The following LAMB4 variants were observed in gnomAD, a reference collection of about 807,000 sequenced individuals.
LAMB4 encodes laminin subunit beta-4.
Under a neutral mutation model 199.2 loss-of-function variants are expected in LAMB4, and 196 were observed. The ratio of observed to expected loss-of-function variants is 0.98; its 90% CI spans 0.88 to 1.11. The LOEUF is 1.11. Among genes scored for constraint, LAMB4 ranks in the 50% least tolerant of loss-of-function variants. LAMB4 has a pLI of 0.00. For synonymous variants in LAMB4, 744 were observed against 770.6 expected (o/e 0.97, Z 0.57); for missense variants, 2,080 against 2,171.2 (o/e 0.96, Z 0.83).
At chr7:108,023,300 C>T (rs949282997), downstream of LAMB4, among the ~76,000 whole-genome samples, 3 of 136,380 alleles carry the variant, frequency 2.2e-5, no homozygotes, top group Non-Finnish European at 4.4e-5. Context: ...ATCATACGTG[C>T]AAAAATAGTT....
At chr7:108,106,910 G>C (rs1230107345) in intron 6 of LAMB4, among the ~76,000 whole-genome samples, 2 of 152,102 alleles carry the variant, frequency 1.3e-5, no homozygotes, top group Non-Finnish European at 2.9e-5. Flanking sequence ...TTACAAGAAG[G>C]CTGAGCCATT....
chr7:108,116,597 T>C (rs1288011777), intron 2 of LAMB4, among the ~76,000 whole-genome samples: 1 of 152,236 alleles, frequency 6.6e-6, no homozygotes, highest in Admixed American at 6.5e-5. Context: ...TCTTTAATGT[T>C]GTTTAATCTA....
chr7:108,035,257 C>A (rs1218091282), intron 30 of LAMB4, among the ~76,000 whole-genome samples: 2 of 151,944 alleles, frequency 1.3e-5, no homozygotes, highest in African/African-American at 4.8e-5. Flanking sequence ...TTTACGACTG[C>A]AGGCCAGGCG....
At chr7:108,098,354 C>G (rs1424817246) in intron 11 of LAMB4, 49 bp downstream of exon 11, 5 of 597,164 alleles carry the variant, frequency 8.4e-6, no homozygotes, top group East Asian at 7.7e-5. Context: ...AACCAACCAA[C>G]CACATAGGGG....
In LAMB4 at chr7:108,069,368, A is replaced by G. The variant is rs149006774; in HGVS notation, c.2302+340T>C. Among the ~76,000 whole-genome samples, 461 of 152,344 alleles carry G rather than the reference A, an allele frequency of 3.0e-3. 5 individuals carry two copies. Among genetic ancestry groups the G allele is most frequent in the African/African-American group, 0.01 (436 of 41,576 alleles). On this transcript the variant is annotated intron_variant, in intron 18 of 33. Coordinates refer to ENST00000388781, the MANE Select transcript of LAMB4 (RefSeq NM_007356.3). ...TAGCTAAATGAAATGGGCAAGTTAC[A>G]TACAGATTTTGGGCCCCAATATGCT...
intron 29 of LAMB4, among the ~76,000 whole-genome samples, chr7:108,040,895 C>G (rs1265923719): frequency 1.3e-5 from 2 of 152,062 alleles, no homozygotes; most frequent in Non-Finnish European, 1.5e-5. Context: ...ACAACAAAAG[C>G]AAAAACTGAG....
chr7:108,033,273 T>A (rs564786528), intron 31 of LAMB4, among the ~76,000 whole-genome samples: 1 of 152,342 alleles, frequency 6.6e-6, no homozygotes, highest in Admixed American at 6.5e-5. Flanking sequence ...CCTGTGGTCA[T>A]GTTTTGCCAT....
chr7:108,087,576 G>A (rs761689643), intron 14 of LAMB4, among the ~76,000 whole-genome samples: 1 of 152,218 alleles, frequency 6.6e-6, no homozygotes, highest in Non-Finnish European at 1.5e-5. Flanking sequence ...TGTAGCCATG[G>A]GAGGCTGGGC....
rs373050835 is a variant in LAMB4, at chr7:108,103,153, G to A, written c.1071C>T (p.Gly357=). 65 of 1,610,640 alleles carry A rather than the reference G, an allele frequency of 4.0e-5. No homozygotes were observed. The African/African-American group carries it at 7.9e-4, about 19-fold the overall frequency. Residue 357 remains glycine (G), a synonymous_variant, in exon 10 of 34, where the codon GGC becomes GGT. Transcript: ENST00000388781. Reference sequence around the variant, plus strand: ...TGTTGTGCTGGCAGTCTTCACACACGCCCCCGCTGAGGCCACCGCTTGCCA... The same window carrying A: ...TGTTGTGCTGGCAGTCTTCACACACACCCCCGCTGAGGCCACCGCTTGCCA... ...TYLASGGLSG[G]VCEDCQHNTE...
intron 14 of LAMB4, among the ~76,000 whole-genome samples, chr7:108,082,139 G>A (rs952278983): frequency 6.6e-6 from 1 of 152,050 alleles, no homozygotes; most frequent in Non-Finnish European, 1.5e-5. Flanking sequence ...GACCACCTTG[G>A]CTAACACGGT....
At chr7:108,057,986 A>G (rs1328307414) in intron 23 of LAMB4, 58 bp from the exon 24 acceptor site, 1 of 1,159,248 alleles carries the variant, frequency 8.6e-7, no homozygotes, top group African/African-American at 1.5e-5. Flanking sequence ...AAAAAAATGC[A>G]TTTTAATAGG....
intron 28 of LAMB4, chr7:108,044,109 T>C (rs1193967079): frequency 2.3e-6 from 1 of 432,214 alleles, no homozygotes; most frequent in Non-Finnish European, 4.0e-6. Context: ...ATCATTAATT[T>C]ATCTTTTAGA....
chr7:108,120,285 A>G (rs1184224480), intron 2 of LAMB4, among the ~76,000 whole-genome samples: 1 of 152,182 alleles, frequency 6.6e-6, no homozygotes, highest in Non-Finnish European at 1.5e-5. Flanking sequence ...GTTATTGAAA[A>G]AAACGTGTTA....
intron 29 of LAMB4, among the ~76,000 whole-genome samples, chr7:108,037,815 G>A (rs2035283390): frequency 6.6e-6 from 1 of 152,188 alleles, no homozygotes; most frequent in Non-Finnish European, 1.5e-5. Context: ...AATACTTGCT[G>A]AACAAGTGCT....
At chr7:108,106,117 C>G (rs559268023) in intron 7 of LAMB4, 86 bp from the exon 8 acceptor site, 1 of 1,061,350 alleles carries the variant, frequency 9.4e-7, no homozygotes, top group East Asian at 2.5e-5. Context: ...ACTTAATATA[C>G]TATAGAAAAG....
chr7:108,047,054 A>C (rs1387759134), intron 28 of LAMB4, among the ~76,000 whole-genome samples: 4 of 151,882 alleles, frequency 2.6e-5, no homozygotes, highest in African/African-American at 4.8e-5. Flanking sequence ...GGCGTGACCC[A>C]CTACTCCTGG....
Position 108,033,320 on chromosome 7 carries a change from TG to T in LAMB4, c.4818+887del, listed in dbSNP as rs1563031565. Among the ~76,000 whole-genome samples the T allele has an allele frequency of 9.2e-5, 14 of 152,348 alleles. No homozygotes were observed. The South Asian group carries it at 2.3e-3, about 25-fold the overall frequency. On this transcript the variant is annotated intron_variant, in intron 31 of 33. Coordinates refer to ENST00000388781, the MANE Select transcript of LAMB4 (RefSeq NM_007356.3). ...AGTATATGCCTAGAAGGGGAAATCC[TG>T]GGGCCTTCCTTTTTACTACCCCATA...
intron 18 of LAMB4, among the ~76,000 whole-genome samples, chr7:108,068,649 C>T (rs994585138): frequency 6.6e-6 from 1 of 152,114 alleles, no homozygotes; most frequent in African/African-American, 2.4e-5. Flanking sequence ...GCTAGGGCTA[C>T]AGGTGTCTGC....
At chr7:108,106,741 A>AT (rs1425909487) in intron 6 of LAMB4, among the ~76,000 whole-genome samples, 169 bp from the exon 7 acceptor site, 1 of 151,690 alleles carries the variant, frequency 6.6e-6, no homozygotes, top group Non-Finnish European at 1.5e-5. Context: ...ATTTTTAAAG[A>AT]TTTTTGTAGA....
Sources: allele counts gnomAD v4.1 joint callset (sites outside exome capture counted in the v4.1 genomes callset), GRCh38; gene constraint gnomAD v4.1.1; transcripts MANE v1.5; gene names NCBI Gene and HGNC (gene_info 2026-07-23, HGNC 2026-07-21).